The following SCMH1 variants were observed in gnomAD, a reference collection of about 807,000 sequenced individuals.
SCMH1 encodes Scm polycomb group protein homolog 1, also known as polycomb protein SCMH1.
In SCMH1, 37 loss-of-function variants were observed where a neutral mutation model predicts 70.8. That is an observed-to-expected ratio of 0.52 (90% CI 0.40 to 0.69). The LOEUF is 0.69. Ranked by LOEUF, SCMH1 falls within the 30% of genes least tolerant of loss-of-function variation. The pLI, the probability that SCMH1 is intolerant of heterozygous loss-of-function variation, is 0.00. For synonymous variants in SCMH1, 292 were observed against 307.4 expected, an observed-to-expected ratio of 0.95 and a Z score of 0.52; for missense variants, 607 against 827.3, an observed-to-expected ratio of 0.73 and a Z score of 3.27.
intron 13 of SCMH1, 68 bp downstream of exon 14, chr1:41,033,915 A>G: frequency 6.2e-7 from 1 of 1,607,728 alleles, no homozygotes; most frequent in South Asian, 1.1e-5. Context: ...AGGGCAGCCT[A>G]TCACAAAGTA....
chr1:41,141,617 G>A (rs969528779), intron 6 of SCMH1, among the ~76,000 whole-genome samples: 3 of 152,152 alleles, frequency 2.0e-5, no homozygotes, highest in African/African-American at 7.2e-5. Flanking sequence ...GAAACATGTT[G>A]AATGATACCA....
At chr1:41,164,365 TA>T (rs60879523) in intron 2 of SCMH1, among the ~76,000 whole-genome samples, 1,957 of 148,012 alleles carry the variant, frequency 0.013, 41 homozygotes, top group African/African-American at 0.046. Context: ...TTCCAATTTC[TA>T]AAAAAAAAAA....
intron 12 of SCMH1, among the ~76,000 whole-genome samples, chr1:41,037,801 C>T (rs1316584657): frequency 6.6e-6 from 1 of 152,144 alleles, no homozygotes; most frequent in African/African-American, 2.4e-5. Flanking sequence ...TCTAGATGCC[C>T]TATGCTTTTT....
At chr1:41,156,069 T>C (rs2148379716) in intron 4 of SCMH1, among the ~76,000 whole-genome samples, 1 of 152,070 alleles carries the variant, frequency 6.6e-6, no homozygotes, top group African/African-American at 2.4e-5. Flanking sequence ...GGACACTCAT[T>C]ATTTAGCTAT....
intron 8 of SCMH1, among the ~76,000 whole-genome samples, chr1:41,112,538 G>A (rs927576570): frequency 6.6e-6 from 1 of 151,842 alleles, no homozygotes; most frequent in Non-Finnish European, 1.5e-5. Flanking sequence ...GTAGTGGTTA[G>A]TTTTATAATA....
intron 7 of SCMH1, among the ~76,000 whole-genome samples, chr1:41,115,700 T>C (rs574809131): frequency 2.0e-5 from 3 of 152,346 alleles, no homozygotes; most frequent in African/African-American, 7.2e-5. Context: ...TTTAGACTTT[T>C]AGTATCAAAG....
chr1:41,206,745 T>C (rs1274010818), intron 1 of SCMH1, among the ~76,000 whole-genome samples: 1 of 152,080 alleles, frequency 6.6e-6, no homozygotes, highest in African/African-American at 2.4e-5. Context: ...AATTGTCAAA[T>C]TTACCAAGGG....
At chr1:41,161,479 T>C in intron 2 of SCMH1, 47 bp from the exon 3 acceptor site, 1 of 1,510,130 alleles carries the variant, frequency 6.6e-7, no homozygotes, top group African/African-American at 1.4e-5. Flanking sequence ...AGTATAAGAT[T>C]AAATACTTTT....
intron 7 of SCMH1, among the ~76,000 whole-genome samples, chr1:41,115,647 C>T (rs568864601): frequency 5.9e-5 from 9 of 152,186 alleles, no homozygotes; most frequent in East Asian, 5.8e-4. Flanking sequence ...TACAGGTGGC[C>T]CAGGCTGGTC....
chr1:41,147,564 T>C (rs1052145158), intron 5 of SCMH1, among the ~76,000 whole-genome samples: 6 of 152,304 alleles, frequency 3.9e-5, no homozygotes, highest in South Asian at 4.1e-4. Flanking sequence ...AGTTAGTTCA[T>C]AGTGTTGTTC....
At chr1:41,157,664 A>T (rs1377534471) in intron 4 of SCMH1, among the ~76,000 whole-genome samples, 4 of 152,216 alleles carry the variant, frequency 2.6e-5, no homozygotes, top group Non-Finnish European at 4.4e-5. Flanking sequence ...TATTCAAGCT[A>T]CAAAGGACCT....
intron 1 of SCMH1, among the ~76,000 whole-genome samples, chr1:41,240,031 A>G (rs1233738487): frequency 1.3e-5 from 2 of 152,256 alleles, no homozygotes; most frequent in African/African-American, 2.4e-5. Flanking sequence ...GGAAGGAATC[A>G]GGGCCTTTCC....
intron 8 of SCMH1, among the ~76,000 whole-genome samples, chr1:41,106,931 A>G (rs1054398299): frequency 6.8e-6 from 1 of 147,208 alleles, no homozygotes; most frequent in East Asian, 2.0e-4. Context: ...CTTGTGATCC[A>G]CCCGCCTCTG....
At chr1:41,032,620 A>T (rs1377268071) in intron 13 of SCMH1, among the ~76,000 whole-genome samples, 1 of 152,182 alleles carries the variant, frequency 6.6e-6, no homozygotes. Context: ...ACTTGCAATA[A>T]GAAGGATCAC....
At chr1:41,115,881 T>C (rs1414320429) in intron 7 of SCMH1, among the ~76,000 whole-genome samples, 3 of 152,224 alleles carry the variant, frequency 2.0e-5, no homozygotes, top group Non-Finnish European at 4.4e-5. Context: ...TTATGTTTAG[T>C]GTCTCTTATA....
intron 5 of SCMH1, among the ~76,000 whole-genome samples, chr1:41,150,954 A>AG (rs1645025257): frequency 6.6e-6 from 1 of 151,606 alleles, no homozygotes. Context: ...AAAAAAAAAA[A>AG]AAAGAAAACA....
At chr1:41,180,719 C>T (rs538181202) in intron 2 of SCMH1, among the ~76,000 whole-genome samples, 1 of 152,144 alleles carries the variant, frequency 6.6e-6, no homozygotes, top group African/African-American at 2.4e-5. Context: ...AATGGAAGAA[C>T]ATTCCATGCT....
chr1:41,050,925 C>G (rs186494233), intron 10 of SCMH1, among the ~76,000 whole-genome samples: 1 of 152,210 alleles, frequency 6.6e-6, no homozygotes, highest in Admixed American at 6.5e-5. Flanking sequence ...AGTAATGTGA[C>G]TCTTTTACTG....
intron 2 of SCMH1, among the ~76,000 whole-genome samples, chr1:41,169,475 AC>A (rs1045869732): frequency 2.0e-5 from 3 of 151,900 alleles, no homozygotes; most frequent in Non-Finnish European, 4.4e-5. Flanking sequence ...ATTTAAAGCC[AC>A]CCCCATTGTT....
Sources: allele counts gnomAD v4.1 joint callset (sites outside exome capture counted in the v4.1 genomes callset), GRCh38; gene constraint gnomAD v4.1.1; transcripts MANE v1.5; gene names NCBI Gene and HGNC (gene_info 2026-07-23, HGNC 2026-07-21).